LHFPL3: variants seen among roughly 807,000 people sequenced by gnomAD.
LHFPL3 encodes LHFPL tetraspan subfamily member 3 protein.
A neutral mutation model predicts 19.3 loss-of-function variants in LHFPL3; 5 were observed. That is an observed-to-expected ratio of 0.26 (90% CI 0.14 to 0.54). The LOEUF is 0.54. LHFPL3 is among the 20% of genes least tolerant of loss of function. The pLI is 0.94. For missense variants in LHFPL3, 249 were observed against 307.4 expected, an observed-to-expected ratio of 0.81 and a Z score of 1.42; for synonymous variants, 133 against 126.2, an observed-to-expected ratio of 1.05 and a Z score of -0.36.
At chr7:104,903,053 C>G (rs1792522845) in intron 2 of LHFPL3, among the ~76,000 whole-genome samples, 1 of 152,192 alleles carries the variant, frequency 6.6e-6, no homozygotes, top group Admixed American at 6.5e-5. Context: ...GCTTCCTTCT[C>G]CCCTCTACCT....
At chr7:104,811,166 CTTTCTTTTCT>C (rs1554346770) in intron 2 of LHFPL3, among the ~76,000 whole-genome samples, 75 of 18,082 alleles carry the variant, frequency 4.1e-3, no homozygotes, top group Non-Finnish European at 0.011. Context: ...TTCTTTCTTT[CTTTCTTTTCT>C]TTTCTTTTCT....
intron 1 of LHFPL3, among the ~76,000 whole-genome samples, chr7:104,547,816 T>G (rs1794600295): frequency 6.6e-6 from 1 of 152,200 alleles, no homozygotes; most frequent in Non-Finnish European, 1.5e-5. Context: ...GAAGGAATAT[T>G]TTGGCCATTC....
At position 104,425,392 on chromosome 7, in the gene LHFPL3, AT is replaced by A. The variant is rs996268320; in HGVS notation, c.445+96178del. Among the ~76,000 whole-genome samples, 310 of 150,850 alleles carry A rather than the reference AT, an allele frequency of 2.1e-3. 3 individuals are homozygous for A. Among genetic ancestry groups the A allele is most frequent in the African/African-American group, 6.6e-3 (274 of 41,250 alleles). On this transcript the variant is annotated intron_variant, in intron 1 of 2. Transcript: ENST00000424859. ...CTGTTTTCTTATCTGCAAAAGTTAG[AT>A]TTTTTTTTTATTTGCCTGTTAGAAA... is the stretch of plus-strand genomic sequence containing the variant.
chr7:104,814,270 C>T (rs1214718695), intron 2 of LHFPL3, among the ~76,000 whole-genome samples: 1 of 152,078 alleles, frequency 6.6e-6, no homozygotes, highest in African/African-American at 2.4e-5. Context: ...CAGCTCTCAG[C>T]AGTGGAGGAA....
intron 2 of LHFPL3, among the ~76,000 whole-genome samples, chr7:104,773,394 G>GTGTT (rs1233590384): frequency 2.6e-5 from 4 of 152,224 alleles, no homozygotes; most frequent in African/African-American, 4.8e-5. Context: ...AAAGGCAGGA[G>GTGTT]TGTTAGCGTG....
intron 1 of LHFPL3, among the ~76,000 whole-genome samples, chr7:104,644,050 TA>T (rs1335322858): frequency 4.6e-5 from 7 of 152,106 alleles, no homozygotes; most frequent in Admixed American, 6.6e-5. Flanking sequence ...TAGCCATTGA[TA>T]AAAAAAACTT....
chr7:104,531,233 CAG>C (rs1272162621), intron 1 of LHFPL3, among the ~76,000 whole-genome samples: 1 of 152,144 alleles, frequency 6.6e-6, no homozygotes, highest in Non-Finnish European at 1.5e-5. Flanking sequence ...CTCTTCTTCC[CAG>C]AGGTGTCCAG....
At chr7:104,567,899 C>T (rs550797287) in intron 1 of LHFPL3, among the ~76,000 whole-genome samples, 7 of 152,190 alleles carry the variant, frequency 4.6e-5, no homozygotes, top group African/African-American at 7.2e-5. Context: ...CTTTTTCTCC[C>T]GTGTCTCTGA....
chr7:104,639,606 T>C (rs777565478), intron 1 of LHFPL3, among the ~76,000 whole-genome samples: 1 of 152,230 alleles, frequency 6.6e-6, no homozygotes, highest in Non-Finnish European at 1.5e-5. Context: ...AATTTAATTT[T>C]CTTTTAATGT....
At chr7:104,734,275 G>C (rs183482388) in intron 1 of LHFPL3, among the ~76,000 whole-genome samples, 2 of 152,272 alleles carry the variant, frequency 1.3e-5, no homozygotes, top group Admixed American at 1.3e-4. Context: ...TGCCTTGCTA[G>C]GTTGGGGAAG....
At chr7:104,557,175 T>C (rs1789857999) in intron 1 of LHFPL3, among the ~76,000 whole-genome samples, 1 of 152,238 alleles carries the variant, frequency 6.6e-6, no homozygotes, top group Admixed American at 6.5e-5. Flanking sequence ...CAAAGTCGCT[T>C]TCACATTTTC....
At chr7:104,444,512 C>T (rs1309922911) in intron 1 of LHFPL3, among the ~76,000 whole-genome samples, 1 of 152,170 alleles carries the variant, frequency 6.6e-6, no homozygotes, top group Non-Finnish European at 1.5e-5. Context: ...CTCTGCATCT[C>T]TATTGTGTTG....
Position 104,430,442 on chromosome 7 carries a change from A to G in LHFPL3, c.445+101218A>G, listed in dbSNP as rs1348601343. Among the ~76,000 whole-genome samples, 24 of 16,888 alleles carry G rather than the reference A, an allele frequency of 1.4e-3. 2 individuals carry two copies. Among genetic ancestry groups the G allele is most frequent in the East Asian group, 0.013 (7 of 528 alleles). 11.1% of individuals were successfully genotyped at this position (16,888 alleles called of 152,430 possible). A position where few individuals can be genotyped will look rare whatever the true frequency, so the allele number is the denominator to read the frequency against. ...TACATATATATATATATATATATATATATATATATATATTTTTTTTTTTTT... is the reference window on the plus strand; with the variant it reads ...TACATATATATATATATATATATATGTATATATATATATTTTTTTTTTTTT... On this transcript the variant is annotated intron_variant, in intron 1 of 2. Transcript: ENST00000424859.
chr7:104,396,167 A>G (rs961821037), intron 1 of LHFPL3, among the ~76,000 whole-genome samples: 1 of 152,192 alleles, frequency 6.6e-6, no homozygotes, highest in South Asian at 2.1e-4. Flanking sequence ...CCACACTAAG[A>G]GGGACCAACT....
At chr7:104,444,227 C>A (rs554726242) in intron 1 of LHFPL3, among the ~76,000 whole-genome samples, 1 of 152,192 alleles carries the variant, frequency 6.6e-6, no homozygotes, top group South Asian at 2.1e-4. Context: ...CTTCACTATT[C>A]ATTAAAGAAA....
intron 1 of LHFPL3, among the ~76,000 whole-genome samples, chr7:104,587,297 G>A (rs943806855): frequency 1.6e-4 from 25 of 152,106 alleles, no homozygotes; most frequent in African/African-American, 4.8e-4. Context: ...AGGCCCCAGT[G>A]TGTGATGTTC....
At chr7:104,501,084 T>TA (rs1445704668) in intron 1 of LHFPL3, among the ~76,000 whole-genome samples, 8 of 147,922 alleles carry the variant, frequency 5.4e-5, no homozygotes, top group Non-Finnish European at 1.1e-4. Context: ...CTCCAGGGTT[T>TA]ATCACAATAT....
chr7:104,824,787 A>C (rs1790784028), intron 2 of LHFPL3, among the ~76,000 whole-genome samples: 1 of 117,468 alleles, frequency 8.5e-6, no homozygotes, highest in Non-Finnish European at 1.6e-5. Flanking sequence ...ATATATTTCA[A>C]ACTTCTCTGT....
intron 1 of LHFPL3, among the ~76,000 whole-genome samples, chr7:104,528,496 A>G (rs1794232579): frequency 1.3e-5 from 2 of 152,222 alleles, no homozygotes; most frequent in Non-Finnish European, 2.9e-5. Flanking sequence ...GCTCAGGACT[A>G]TGTGATGCAT....
Sources: allele counts gnomAD v4.1 joint callset (sites outside exome capture counted in the v4.1 genomes callset), GRCh38; gene constraint gnomAD v4.1.1; transcripts MANE v1.5; gene names NCBI Gene and HGNC (gene_info 2026-07-23, HGNC 2026-07-21).